STPG2: variants seen among roughly 807,000 people sequenced by gnomAD.
The protein encoded by STPG2 is sperm tail PG-rich repeat containing 2.
In STPG2, 56 loss-of-function variants were observed where a neutral mutation model predicts 54.2. The ratio of observed to expected loss-of-function variants is 1.03; its 90% CI spans 0.83 to 1.29. The LOEUF is 1.29. STPG2 is among the 50% of genes most tolerant of loss of function. The pLI, the probability that STPG2 is intolerant of heterozygous loss-of-function variation, is 0.00. For synonymous variants in STPG2, 200 were observed against 181.8 expected (o/e 1.10, Z -0.81); for missense variants, 596 against 544.9 (o/e 1.09, Z -0.93).
chr4:97,455,185 C>G lies in STPG2; in HGVS notation c.462+257514G>C, dbSNP rs893915084. Among the ~76,000 whole-genome samples, 2 of 151,978 alleles carry G rather than the reference C, an allele frequency of 1.3e-5. 1 individual carries two copies. Among genetic ancestry groups the G allele is most frequent in the South Asian group, 4.1e-4 (2 of 4,822 alleles). On this transcript the variant is annotated intron_variant, in intron 4 of 4. Transcript: ENST00000522676. ...ATAACACAAAAGAAAATCTAGATGA[C>G]GTGTTTGGCAATGACATTGATACAG...
intron 4 of STPG2, among the ~76,000 whole-genome samples, chr4:97,538,018 G>C (rs566023632): frequency 1.3e-5 from 2 of 152,076 alleles, no homozygotes; most frequent in Non-Finnish European, 2.9e-5. Flanking sequence ...AAACACAAAG[G>C]ACATCCACAC....
chr4:97,794,487 G>C (rs961456232), intron 9 of STPG2, among the ~76,000 whole-genome samples: 1 of 151,980 alleles, frequency 6.6e-6, no homozygotes, highest in South Asian at 2.1e-4. Context: ...ACACTAATGG[G>C]TTTTAAAATA....
intron 9 of STPG2, among the ~76,000 whole-genome samples, chr4:97,781,101 T>TA (rs1429433700): frequency 2.0e-5 from 3 of 149,834 alleles, no homozygotes; most frequent in African/African-American, 7.4e-5. Context: ...CTGAAGGAGA[T>TA]AGAGACACAA....
chr4:97,501,548 T>G (rs1343221419), intron 4 of STPG2, among the ~76,000 whole-genome samples: 2 of 151,470 alleles, frequency 1.3e-5, no homozygotes, highest in Non-Finnish European at 2.9e-5. Context: ...CAAAAGAAAT[T>G]AGCTGGGCAT....
At chr4:97,699,535 C>G (rs1471693930) in intron 10 of STPG2, among the ~76,000 whole-genome samples, 1 of 152,218 alleles carries the variant, frequency 6.6e-6, no homozygotes, top group Admixed American at 6.5e-5. Context: ...CCATTGGTTA[C>G]AGTCCATGAA....
intron 8 of STPG2, among the ~76,000 whole-genome samples, chr4:97,937,095 A>G (rs561889026): frequency 6.6e-6 from 1 of 151,740 alleles, no homozygotes; most frequent in African/African-American, 2.4e-5. Context: ...TTTTTTCTCT[A>G]AACTTGTCTG....
intron 9 of STPG2, among the ~76,000 whole-genome samples, chr4:97,781,926 C>G (rs1022980435): frequency 2.6e-5 from 4 of 152,076 alleles, no homozygotes; most frequent in Admixed American, 1.3e-4. Flanking sequence ...ATTGATAGGC[C>G]GTATCTTAAA....
intron 10 of STPG2, among the ~76,000 whole-genome samples, chr4:97,568,161 A>G (rs1732503115): frequency 6.6e-6 from 1 of 152,216 alleles, no homozygotes; most frequent in African/African-American, 2.4e-5. Context: ...GCGTTTGAAC[A>G]TACTTTAAAA....
At chr4:97,914,525 C>A (rs1731802274) in intron 8 of STPG2, among the ~76,000 whole-genome samples, 1 of 152,036 alleles carries the variant, frequency 6.6e-6, no homozygotes, top group African/African-American at 2.4e-5. Context: ...ACCATAACCA[C>A]CACACACCTC....
chr4:98,100,133 T>C (rs1738983677), intron 5 of STPG2, among the ~76,000 whole-genome samples: 1 of 152,062 alleles, frequency 6.6e-6, no homozygotes. Flanking sequence ...GGCAATAGGA[T>C]AAATACAAAG....
At chr4:97,894,169 C>A (rs1165055535) in intron 8 of STPG2, among the ~76,000 whole-genome samples, 1 of 151,884 alleles carries the variant, frequency 6.6e-6, no homozygotes, top group Non-Finnish European at 1.5e-5. Flanking sequence ...AGGAATGAAT[C>A]CAGTTCTAAA....
intron 9 of STPG2, among the ~76,000 whole-genome samples, chr4:97,797,650 T>C (rs1016523541): frequency 2.6e-5 from 4 of 152,172 alleles, no homozygotes; most frequent in Admixed American, 6.5e-5. Context: ...TAAAATTCTC[T>C]TTTTTTGTTG....
chr4:97,757,589 G>T (rs684210), intron 9 of STPG2, among the ~76,000 whole-genome samples: 1 of 151,808 alleles, frequency 6.6e-6, no homozygotes, highest in Admixed American at 6.6e-5. Context: ...ATATATATCC[G>T]TAACACAAAA....
At chr4:97,557,936 A>T (rs887705472), downstream of STPG2, among the ~76,000 whole-genome samples, 1 of 152,244 alleles carries the variant, frequency 6.6e-6, no homozygotes, top group African/African-American at 2.4e-5. Flanking sequence ...ACAAGAGCAA[A>T]GTGACATACA....
chr4:97,851,187 C>T lies in STPG2; in HGVS notation c.1045-10255G>A, dbSNP rs184092174. 1.1e-3 allele frequency among the ~76,000 whole-genome samples: 171 copies of T among 152,226 alleles called. 1 individual carries two copies. The highest frequency in any genetic ancestry group is 6.1e-3 in the Admixed American group (93 of 15,274). ...TGACGTGTTTAATATCACCCATCACCATAGGAATGAGAGAGCTCCTTGAGT... is the reference window on the plus strand; with the variant it reads ...TGACGTGTTTAATATCACCCATCACTATAGGAATGAGAGAGCTCCTTGAGT... On this transcript the variant is annotated intron_variant, in intron 8 of 10. Coordinates refer to ENST00000295268, the MANE Select transcript of STPG2 (RefSeq NM_174952.3).
chr4:98,073,921 G>C (rs1738081504), intron 5 of STPG2, among the ~76,000 whole-genome samples: 1 of 152,074 alleles, frequency 6.6e-6, no homozygotes. Context: ...GAGTAAAGGA[G>C]AATAATATCA....
chr4:97,741,519 A>T (rs1030113842), intron 9 of STPG2, among the ~76,000 whole-genome samples: 2 of 152,044 alleles, frequency 1.3e-5, no homozygotes, highest in Non-Finnish European at 2.9e-5. Context: ...ATTTACAAGA[A>T]AAAAACAAAC....
intron 10 of STPG2, among the ~76,000 whole-genome samples, chr4:97,655,674 G>C (rs1722201242): frequency 6.6e-6 from 1 of 152,032 alleles, no homozygotes; most frequent in Admixed American, 6.6e-5. Context: ...TCACTTGAAA[G>C]AGCTGGCAGA....
At chr4:97,922,323 G>GAA (rs142264690) in intron 8 of STPG2, among the ~76,000 whole-genome samples, 2 of 151,694 alleles carry the variant, frequency 1.3e-5, no homozygotes, top group African/African-American at 4.8e-5. Flanking sequence ...AGAAAAAAAG[G>GAA]AAAAAATAAT....
Sources: allele counts gnomAD v4.1 joint callset (sites outside exome capture counted in the v4.1 genomes callset), GRCh38; gene constraint gnomAD v4.1.1; transcripts MANE v1.5; gene names NCBI Gene and HGNC (gene_info 2026-07-23, HGNC 2026-07-21).